The following SETD9 variants were observed in gnomAD, a reference collection of about 807,000 sequenced individuals.
SETD9 encodes the protein SET domain-containing protein 9.
SETD9 carries 37 observed loss-of-function variants against 36.4 expected under a neutral mutation model. That is an observed-to-expected ratio of 1.02 (90% CI 0.78 to 1.34). The LOEUF (loss-of-function observed/expected upper bound fraction) is 1.34, where lower values mean the gene tolerates loss of function less well. SETD9 is among the 40% of genes most tolerant of loss of function. The pLI is 0.00. For synonymous variants in SETD9, 128 were observed against 132.9 expected (o/e 0.96, Z 0.26); for missense variants, 323 against 353.2 (o/e 0.91, Z 0.69).
chr5:56,928,759 T>G, downstream of SETD9: 3 of 1,596,190 alleles, frequency 1.9e-6, no homozygotes, highest in Non-Finnish European at 1.7e-6. Flanking sequence ...CTAATCTGCC[T>G]AATTTACCTT....
chr5:56,909,406 G>T (rs1429253807), upstream of SETD9: 4 of 410,270 alleles, frequency 9.7e-6, no homozygotes, highest in Non-Finnish European at 1.7e-5. Flanking sequence ...ACCGGAGAAA[G>T]AAAAAGTGGT....
In SETD9 at chr5:56,911,198, A is replaced by C. The variant is rs779438595; in HGVS notation, c.128A>C (p.Lys43Thr). ...CTCCGATATGTTCCAGAGGAATCCA[A>C]AGACAAAGTTATCTCAGATGAAGAT... ...RTLRYVPEES[K>T]DKVISDEDVL... The change falls in exon 2 of 6, where the codon AAA (lysine) becomes ACA (threonine). Residue 43 changes from lysine (K) to threonine (T), a missense_variant. By Grantham distance (78) the Lys-to-Thr change is moderately conservative. Transcript: ENST00000285947. The C allele has an allele frequency of 6.4e-7, 1 of 1,569,386 alleles. No homozygotes were observed. Among genetic ancestry groups the C allele is most frequent in the Non-Finnish European group, 8.6e-7 (1 of 1,162,036 alleles).
downstream of SETD9, chr5:56,922,138 C>T (rs1441167279): frequency 6.6e-6 from 1 of 152,630 alleles, no homozygotes; most frequent in Non-Finnish European, 1.5e-5. Context: ...AATATTAACA[C>T]TTTGAACTGC....
intron 2 of SETD9, chr5:56,912,274 G>T (rs1749178198): frequency 1.0e-6 from 1 of 972,670 alleles, no homozygotes; most frequent in Admixed American, 6.2e-5. Context: ...GCAATTTCTT[G>T]GCACAAGATC....
chr5:56,921,923 A>T (rs1467621914), downstream of SETD9: 6 of 152,618 alleles, frequency 3.9e-5, no homozygotes, highest in Non-Finnish European at 5.9e-5. Flanking sequence ...ATGGCTTCTC[A>T]TTCACAATAT....
rs1317301790 is a variant in SETD9, at chr5:56,909,762, A to C, written c.98+19A>C. 1 of 1,602,110 alleles carries C rather than the reference A, an allele frequency of 6.2e-7. No homozygotes were observed. Among genetic ancestry groups the C allele is most frequent in the Admixed American group, 1.7e-5 (1 of 59,608 alleles). On this transcript the variant is annotated intron_variant, in intron 1 of 5. Coordinates refer to ENST00000285947, the MANE Select transcript of SETD9 (RefSeq NM_153706.4). Reference sequence around the variant, plus strand: ...ACCCGAGGTGAGAGGGCGGGACGGCAGAACGAGGGGCACCTGCCTTCGGTT... The same window carrying C: ...ACCCGAGGTGAGAGGGCGGGACGGCCGAACGAGGGGCACCTGCCTTCGGTT...
chr5:56,914,026 T>A (rs772328214), intron 4 of SETD9, 37 bp downstream of exon 4: 42 of 1,424,806 alleles, frequency 2.9e-5, no homozygotes, highest in Non-Finnish European at 4.2e-5. Context: ...ATGAGATATA[T>A]CAATGGCTAA....
downstream of SETD9, chr5:56,920,233 G>A (rs1270918477): frequency 6.6e-6 from 1 of 152,506 alleles, no homozygotes; most frequent in Non-Finnish European, 1.5e-5. Flanking sequence ...TTCAGCAGCT[G>A]ACCATGACAA....
rs1749474190 is a variant in SETD9 at position 56,917,191 on chromosome 5, A to G, written c.*289A>G. ...CCTACTCTTTGAACTTATAATTTCA[A>G]TTTTTCTTTTGTTTATTTTGTAAGC... On this transcript the variant is annotated 3_prime_UTR_variant, in exon 6 of 6. Coordinates refer to ENST00000285947, the MANE Select transcript of SETD9 (RefSeq NM_153706.4). 1.9e-6 allele frequency: 2 copies of G among 1,079,784 alleles called. No homozygotes were observed. Among genetic ancestry groups the G allele is most frequent in the African/African-American group, 1.7e-5 (1 of 58,812 alleles). The allele number at this position is 1,079,784 out of a possible 1,614,324, so 66.9% of individuals were successfully genotyped here.
chr5:56,918,433 T>G (rs937817540), downstream of SETD9, among the ~76,000 whole-genome samples: 1 of 152,150 alleles, frequency 6.6e-6, no homozygotes, highest in African/African-American at 2.4e-5. Flanking sequence ...TCTTTAGCAC[T>G]TACCACCAGC....
intron 5 of SETD9, 104 bp from the exon 6 acceptor site, chr5:56,916,711 G>A: frequency 2.6e-6 from 3 of 1,158,692 alleles, no homozygotes. Context: ...TAAAATGGAA[G>A]GAACCTGAGT....
chr5:56,911,180 A>T lies in SETD9; in HGVS notation c.110A>T (p.Tyr37Phe), dbSNP rs200712084. The change falls in exon 2 of 6, where the codon TAT becomes TTT. Residue 37 changes from tyrosine (Y) to phenylalanine (F), a missense_variant. Transcript: ENST00000285947. The part of the protein sequence containing the change: ...NLSHNPRTLR[Y>F]VPEESKDKVI... ...TTTCCCATTTTCAGGACCCTCCGAT[A>T]TGTTCCAGAGGAATCCAAAGACAAA... is the stretch of plus-strand genomic sequence containing the variant. 1 of 1,543,028 alleles carries T rather than the reference A, an allele frequency of 6.5e-7. No homozygotes were observed. The highest frequency in any genetic ancestry group is 2.2e-5 in the East Asian group (1 of 44,468).
intron 1 of SETD9, chr5:56,910,066 C>T (rs1749027383): frequency 2.3e-6 from 3 of 1,277,868 alleles, no homozygotes; most frequent in East Asian, 4.2e-5. Context: ...GCCCGCGAGG[C>T]CGAGCTCGCC....
downstream of SETD9, chr5:56,928,706 A>T: frequency 8.4e-7 from 1 of 1,193,620 alleles, no homozygotes; most frequent in Non-Finnish European, 1.2e-6. Context: ...AGTGACTTAT[A>T]AATTAGTTGC....
intron 1 of SETD9, chr5:56,910,291 A>T: frequency 1.5e-6 from 2 of 1,304,244 alleles, no homozygotes; most frequent in Non-Finnish European, 2.0e-6. Flanking sequence ...CACGTGGTTA[A>T]AGAAGCCCAT....
At chr5:56,921,893 A>C (rs1367271447), downstream of SETD9, 2 of 152,646 alleles carry the variant, frequency 1.3e-5, no homozygotes, top group African/African-American at 4.8e-5. Flanking sequence ...ATAGCACAAA[A>C]ATGGCCAAAG....
chr5:56,920,597 T>A (rs1749625226), downstream of SETD9: 1 of 152,494 alleles, frequency 6.6e-6, no homozygotes, highest in Admixed American at 6.5e-5. Flanking sequence ...CAGTAACAAA[T>A]TCTCTGTTAA....
intron 3 of SETD9, 107 bp from the exon 4 acceptor site, chr5:56,913,767 T>C: frequency 1.2e-5 from 8 of 662,440 alleles, no homozygotes; most frequent in Non-Finnish European, 2.0e-5. Flanking sequence ...TAAAGTCTTT[T>C]TTTTTTTTTT....
At chr5:56,926,807 G>A (rs1750006275), downstream of SETD9, among the ~76,000 whole-genome samples, 1 of 152,028 alleles carries the variant, frequency 6.6e-6, no homozygotes. Flanking sequence ...CCAAAACTTG[G>A]AAGCAACCAA....
Sources: allele counts gnomAD v4.1 joint callset (sites outside exome capture counted in the v4.1 genomes callset), GRCh38; gene constraint gnomAD v4.1.1; transcripts MANE v1.5; gene names NCBI Gene and HGNC (gene_info 2026-07-23, HGNC 2026-07-21).